The following CSMD1 variants were observed in gnomAD, a reference collection of about 807,000 sequenced individuals.
CSMD1 encodes the protein CUB and Sushi multiple domains 1.
Under a neutral mutation model 417.5 loss-of-function variants are expected in CSMD1, and 213 were observed. The observed-to-expected ratio is 0.51, with a 90% CI of 0.46 to 0.57. CSMD1 has a LOEUF of 0.57. CSMD1 is among the 20% of genes least tolerant of loss of function. The probability of loss-of-function intolerance (pLI) is 0.00; values close to 1 mark genes in which losing one functional copy is unlikely to be tolerated. For missense variants in CSMD1, 6,923 were observed against 4,529.7 expected (o/e 1.53, Z -15.17); for synonymous variants, 2,862 against 1,736.8 (o/e 1.65, Z -16.11).
At chr8:3,090,977 T>G (rs1010244296) in intron 48 of CSMD1, among the ~76,000 whole-genome samples, 2 of 152,114 alleles carry the variant, frequency 1.3e-5, no homozygotes, top group Non-Finnish European at 2.9e-5. Flanking sequence ...GATTACAGTA[T>G]ATAAAGGGCA....
intron 5 of CSMD1, among the ~76,000 whole-genome samples, chr8:3,820,850 C>G (rs4379465): frequency 1.3e-5 from 2 of 151,862 alleles, no homozygotes; most frequent in African/African-American, 2.4e-5. Flanking sequence ...TCCCAAAGTG[C>G]TGGGATTATA....
intron 3 of CSMD1, among the ~76,000 whole-genome samples, chr8:4,343,672 G>C (rs1460991900): frequency 1.3e-5 from 2 of 152,080 alleles, no homozygotes; most frequent in African/African-American, 4.8e-5. Context: ...GTCTGTGTCT[G>C]GTGATCTGAC....
intron 12 of CSMD1, among the ~76,000 whole-genome samples, chr8:3,439,309 A>ATATATATATATATATATATATAT: frequency 3.7e-4 from 23 of 62,430 alleles, no homozygotes; most frequent in African/African-American, 4.7e-4. Flanking sequence ...ATATATATAT[A>ATATATATATATATATATATATAT]TTTTTTTTTT....
chr8:3,868,846 A>G (rs1805284666), intron 5 of CSMD1, among the ~76,000 whole-genome samples: 1 of 152,088 alleles, frequency 6.6e-6, no homozygotes, highest in South Asian at 2.1e-4. Context: ...CCAAGCCACC[A>G]TTTTCTCAGG....
intron 23 of CSMD1, among the ~76,000 whole-genome samples, chr8:3,340,025 G>C (rs10503202): frequency 1.3e-5 from 2 of 152,096 alleles, no homozygotes; most frequent in Non-Finnish European, 2.9e-5. Flanking sequence ...ATTCCGATTT[G>C]GCCCAAAGAT....
At chr8:3,020,616 C>T (rs185151840) in intron 51 of CSMD1, among the ~76,000 whole-genome samples, 1 of 152,112 alleles carries the variant, frequency 6.6e-6, no homozygotes, top group Non-Finnish European at 1.5e-5. Flanking sequence ...TCAGGCGAAT[C>T]CTCCCATCTT....
chr8:4,523,657 C>T (rs1407064903), intron 2 of CSMD1, among the ~76,000 whole-genome samples: 3 of 152,264 alleles, frequency 2.0e-5, no homozygotes, highest in African/African-American at 7.2e-5. Context: ...CTGAAGGCAA[C>T]TCTAATCCAG....
At chr8:4,220,101 C>T (rs997160155) in intron 3 of CSMD1, among the ~76,000 whole-genome samples, 1 of 152,134 alleles carries the variant, frequency 6.6e-6, no homozygotes, top group African/African-American at 2.4e-5. Flanking sequence ...AGGCACGTGC[C>T]ACCATGCCCA....
At chr8:3,159,880 T>C (rs1360576230) in intron 38 of CSMD1, among the ~76,000 whole-genome samples, 1 of 152,192 alleles carries the variant, frequency 6.6e-6, no homozygotes, top group Non-Finnish European at 1.5e-5. Context: ...TGTCATAATA[T>C]CATTTATAAA....
At chr8:3,858,390 T>A (rs1294124790) in intron 5 of CSMD1, among the ~76,000 whole-genome samples, 1 of 152,164 alleles carries the variant, frequency 6.6e-6, no homozygotes. Flanking sequence ...TGATTTAAAA[T>A]GAATTCTATG....
intron 26 of CSMD1, among the ~76,000 whole-genome samples, chr8:3,253,977 C>A (rs188302226): frequency 2.0e-5 from 3 of 152,158 alleles, no homozygotes; most frequent in Non-Finnish European, 4.4e-5. Context: ...CCTTGATGGT[C>A]TTTACAATTT....
intron 25 of CSMD1, among the ~76,000 whole-genome samples, chr8:3,307,010 C>G (rs984862608): frequency 7.0e-6 from 1 of 142,574 alleles, no homozygotes; most frequent in Non-Finnish European, 1.6e-5. Context: ...CTTTCTTGGT[C>G]TACCTCAAAG....
intron 7 of CSMD1, among the ~76,000 whole-genome samples, chr8:3,647,219 A>G (rs1238621239): frequency 6.6e-6 from 1 of 152,164 alleles, no homozygotes; most frequent in African/African-American, 2.4e-5. Flanking sequence ...AAAAATATCT[A>G]TGCTGTGAAA....
chr8:3,404,204 G>C (rs1477250117), intron 15 of CSMD1, among the ~76,000 whole-genome samples: 3 of 152,104 alleles, frequency 2.0e-5, no homozygotes, highest in Admixed American at 6.6e-5. Context: ...CGTGGTGGCA[G>C]GTGTCTGTAG....
intron 12 of CSMD1, among the ~76,000 whole-genome samples, chr8:3,441,213 C>T (rs151140690): frequency 6.6e-6 from 1 of 152,184 alleles, no homozygotes; most frequent in African/African-American, 2.4e-5. Context: ...TGGCAGGGAG[C>T]ATGGCTTTGC....
rs150993661 is a variant in CSMD1, at chr8:3,871,586, T to G, written c.819-117544A>C. ...ATTATTGATTCATAATTTTTATATA[T>G]TAGGAATATTAGTCTTCAAATTCAG... On this transcript the variant is annotated intron_variant, in intron 5 of 69. Transcript: ENST00000635120. Among the ~76,000 whole-genome samples the G allele has an allele frequency of 8.5e-5, 13 of 152,304 alleles. No individual in the cohort carries two copies. In the South Asian group the frequency reaches 2.7e-3, roughly 32 times the overall value.
At chr8:4,667,769 G>C (rs1291526960) in intron 1 of CSMD1, among the ~76,000 whole-genome samples, 2 of 152,092 alleles carry the variant, frequency 1.3e-5, no homozygotes, top group Admixed American at 6.6e-5. Context: ...ATATTGCTTA[G>C]AATTTTTCTA....
At chr8:4,040,501 T>C (rs1192014274) in intron 3 of CSMD1, among the ~76,000 whole-genome samples, 1 of 152,188 alleles carries the variant, frequency 6.6e-6, no homozygotes, top group Non-Finnish European at 1.5e-5. Flanking sequence ...CAAAAACTCT[T>C]TCATATGAAA....
rs116751042 is a variant in CSMD1 at position 4,366,355 on chromosome 8, C to T, written c.415+53598G>A. On this transcript the variant is annotated intron_variant, in intron 3 of 69. Transcript: ENST00000635120. ...TTGGTGAACATCGTGGCTGATTCCA[C>T]GTGTTTACCATTGAGAATAGCACTG... Among the ~76,000 whole-genome samples the T allele has an allele frequency of 9.3e-3, 1,410 of 152,164 alleles. 16 individuals are homozygous for T. The highest frequency in any genetic ancestry group is 0.02 in the African/African-American group (820 of 41,500).
Sources: allele counts gnomAD v4.1 joint callset (sites outside exome capture counted in the v4.1 genomes callset), GRCh38; gene constraint gnomAD v4.1.1; transcripts MANE v1.5; gene names NCBI Gene and HGNC (gene_info 2026-07-23, HGNC 2026-07-21).